Variants in PLCE1 observed in about 807,000 individuals in gnomAD.
PLCE1 encodes the protein 1-phosphatidylinositol 4,5-bisphosphate phosphodiesterase epsilon-1.
In PLCE1, 119 loss-of-function variants were observed where a neutral mutation model predicts 242.8. That is an observed-to-expected ratio of 0.49 (90% confidence interval 0.42 to 0.57). The LOEUF (loss-of-function observed/expected upper bound fraction) is 0.57. Ranked by LOEUF, PLCE1 falls within the 20% of genes least tolerant of loss-of-function variation. The pLI is 0.00. For synonymous variants in PLCE1, 945 were observed against 1,017.4 expected, an observed-to-expected ratio of 0.93 and a Z score of 1.35; for missense variants, 2,441 against 2,788.8, an observed-to-expected ratio of 0.88 and a Z score of 2.81.
intron 1 of PLCE1, among the ~76,000 whole-genome samples, chr10:94,021,440 T>C (rs1160061596): frequency 6.6e-6 from 1 of 152,102 alleles, no homozygotes; most frequent in Admixed American, 6.6e-5. Flanking sequence ...TATTTGTGCA[T>C]GGTATGACAT....
At chr10:94,092,211 C>A (rs1316419403) in intron 2 of PLCE1, among the ~76,000 whole-genome samples, 2 of 152,062 alleles carry the variant, frequency 1.3e-5, no homozygotes, top group Non-Finnish European at 2.9e-5. Flanking sequence ...TGCCAAACAC[C>A]TTTTCAGAAA....
At position 94,016,007 on chromosome 10, in the gene PLCE1, T is replaced by C. The variant is rs1359419845; in HGVS notation, c.-364-14676T>C. Among the ~76,000 whole-genome samples the C allele has an allele frequency of 2.6e-5, 4 of 152,214 alleles. No individual in the cohort carries two copies. In the East Asian group the frequency reaches 7.7e-4, roughly 29 times the overall value. ...TCATACCCGTTGGTTGATCAGCTTT[T>C]GGAGGAAACATTGAGCAATCTGGAA... On this transcript the variant is annotated intron_variant, in intron 1 of 32. Coordinates refer to ENST00000371380, the MANE Select transcript of PLCE1 (RefSeq NM_016341.4).
chr10:94,126,037 A>T (rs961691135), intron 2 of PLCE1, among the ~76,000 whole-genome samples: 4 of 152,136 alleles, frequency 2.6e-5, no homozygotes, highest in African/African-American at 7.2e-5. Flanking sequence ...TTTTGGGCCT[A>T]AACTCCACAT....
intron 11 of PLCE1, among the ~76,000 whole-genome samples, chr10:94,257,734 A>G (rs2051150228): frequency 6.6e-6 from 1 of 152,208 alleles, no homozygotes; most frequent in Non-Finnish European, 1.5e-5. Context: ...GAACACTTGG[A>G]CACAGGGCGG....
intron 23 of PLCE1, among the ~76,000 whole-genome samples, chr10:94,293,967 T>A (rs1160155453): frequency 2.0e-5 from 3 of 151,690 alleles, no homozygotes; most frequent in Non-Finnish European, 4.4e-5. Flanking sequence ...AGTAGCCGGG[T>A]GTGGTAGTGC....
At chr10:94,285,023 C>T (rs2052387377) in intron 22 of PLCE1, 58 bp downstream of exon 22, 2 of 979,370 alleles carry the variant, frequency 2.0e-6, no homozygotes, top group Non-Finnish European at 3.3e-6. Context: ...AAAAATATGC[C>T]ATTTATTTAA....
chr10:94,053,705 A>T (rs1456412884), intron 2 of PLCE1, among the ~76,000 whole-genome samples: 1 of 152,200 alleles, frequency 6.6e-6, no homozygotes, highest in Non-Finnish European at 1.5e-5. Context: ...TCCTCGCAGC[A>T]GTTGAATAAG....
chr10:94,236,115 A>T lies in PLCE1; in HGVS notation c.2415A>T (p.Arg805=), dbSNP rs776685705. Residue 805 remains arginine, a synonymous_variant, in exon 7 of 33, where the codon CGA becomes CGT. Transcript: ENST00000371380. ...SRKSSLKDKS[R]WQFIIGDLLD... is the part of the protein sequence containing the mutation. ...AAAGCTCCTTGAAGGATAAAAGCCG[A>T]TGGCAGTAAGTTTTACACGTTAAAA... 6.2e-7 allele frequency: 1 copy of T among 1,613,150 alleles called. No homozygotes were observed.
At chr10:94,194,946 A>T (rs2048773384) in intron 4 of PLCE1, among the ~76,000 whole-genome samples, 1 of 152,116 alleles carries the variant, frequency 6.6e-6, no homozygotes, top group Non-Finnish European at 1.5e-5. Context: ...AGTTTGGGGG[A>T]AACAGGGGCC....
intron 5 of PLCE1, among the ~76,000 whole-genome samples, chr10:94,229,628 G>T (rs1012848662): frequency 6.6e-6 from 1 of 152,164 alleles, no homozygotes; most frequent in Admixed American, 6.5e-5. Context: ...TTACAGGAAC[G>T]GCCTCAGAGT....
chr10:94,287,521 A>T (rs1300468739), intron 22 of PLCE1: 2 of 150,640 alleles, frequency 1.3e-5, no homozygotes, highest in Admixed American at 1.3e-4. Context: ...ATCATGTGGT[A>T]TGAGGCCCAC....
Position 94,008,488 on chromosome 10 carries a change from T to A in PLCE1, c.-365+14230T>A, listed in dbSNP as rs1564621342. Among the ~76,000 whole-genome samples the A allele has an allele frequency of 2.0e-5, 3 of 152,244 alleles. No homozygotes were observed. The South Asian group carries it at 6.2e-4, about 32-fold the overall frequency. On this transcript the variant is annotated intron_variant, in intron 1 of 32. Coordinates refer to ENST00000371380, the MANE Select transcript of PLCE1 (RefSeq NM_016341.4). The stretch of plus-strand genomic sequence containing the variant: ...CACACCCGGCTAATTTTTGCATTTT[T>A]AATAAAGACAGCGTTTCACTACATT...
At chr10:94,050,705 T>TA (rs1260139195) in intron 2 of PLCE1, among the ~76,000 whole-genome samples, 8 of 150,462 alleles carry the variant, frequency 5.3e-5, no homozygotes, top group South Asian at 2.1e-4. Context: ...AAATAAAAAT[T>TA]TAAAAGAAAA....
At chr10:94,251,267 G>T (rs778581880) in intron 8 of PLCE1, among the ~76,000 whole-genome samples, 30 of 152,200 alleles carry the variant, frequency 2.0e-4, no homozygotes, top group Non-Finnish European at 7.3e-5. Context: ...AGCATCCTGG[G>T]ATCCACAGCA....
intron 27 of PLCE1, among the ~76,000 whole-genome samples, chr10:94,309,773 G>A (rs141025328): frequency 4.4e-4 from 67 of 152,306 alleles, no homozygotes; most frequent in African/African-American, 1.6e-3. Flanking sequence ...AGCGGCTCAT[G>A]CCTCTAATCC....
chr10:94,283,422 A>G (rs1193816284), intron 20 of PLCE1: 3 of 290,690 alleles, frequency 1.0e-5, no homozygotes, highest in African/African-American at 6.7e-5. Flanking sequence ...ATCCTTCCCA[A>G]ACGTGTGTGC....
chr10:94,188,998 TAAAA>T (rs904632569), intron 4 of PLCE1, among the ~76,000 whole-genome samples: 2 of 73,818 alleles, frequency 2.7e-5, no homozygotes, highest in Non-Finnish European at 3.0e-5. Flanking sequence ...TAGGAGAAAG[TAAAA>T]AAAAAAAAAA....
Position 94,041,593 on chromosome 10 carries a change from A to G in PLCE1, c.1206+9341A>G, listed in dbSNP as rs1411390207. On this transcript the variant is annotated intron_variant, in intron 2 of 32. Coordinates refer to ENST00000371380, the MANE Select transcript of PLCE1 (RefSeq NM_016341.4). ...AGACAGCTGTGTGCTTCAGTGGGCC[A>G]AGAAGGAAACACGCCTCCCGATCTC... Among the ~76,000 whole-genome samples, 3 of 152,218 alleles carry G rather than the reference A, an allele frequency of 2.0e-5. 1 individual carries two copies. In the East Asian group the frequency reaches 5.8e-4, roughly 30 times the overall value.
intron 2 of PLCE1, among the ~76,000 whole-genome samples, chr10:94,110,540 A>C (rs1309485615): frequency 1.3e-5 from 2 of 152,246 alleles, no homozygotes; most frequent in Admixed American, 6.5e-5. Context: ...TCTCACATAG[A>C]ATTGAAAGTG....
Sources: gnomAD v4.1 joint callset for allele counts (sites outside exome capture counted in the v4.1 genomes callset) on GRCh38, gnomAD v4.1.1 for gene constraint, MANE v1.5 for transcripts, NCBI Gene and HGNC (gene_info 2026-07-23, HGNC 2026-07-21) for gene names.